Variants in ASCC1 observed in about 807,000 individuals in gnomAD.
ASCC1 encodes ASC-1 complex subunit P50.
A neutral mutation model predicts 46.6 loss-of-function variants in ASCC1; 35 were observed. The observed-to-expected ratio is 0.75, with a 90% CI of 0.57 to 0.99. The LOEUF is 0.99. Ranked by LOEUF, ASCC1 falls within the 50% of genes least tolerant of loss-of-function variation. The pLI is 0.00. For missense variants in ASCC1, 376 were observed against 428.7 expected, an observed-to-expected ratio of 0.88 and a Z score of 1.09; for synonymous variants, 143 against 146.6, an observed-to-expected ratio of 0.98 and a Z score of 0.18.
rs147599473 is a variant in ASCC1 at position 72,114,719 on chromosome 10, T to C, written c.957+13363A>G. ...TTGACTGTTGTTAACTATATCTTTA[T>C]GACATAATTAGTTTATCTTGAGGGC... On this transcript the variant is annotated intron_variant, in intron 9 of 9. Coordinates refer to ENST00000672957, the MANE Select transcript of ASCC1 (RefSeq NM_001198800.3). Among the ~76,000 whole-genome samples the C allele has an allele frequency of 9.2e-3, 1,403 of 152,296 alleles. 14 individuals are homozygous for C. The highest frequency in any genetic ancestry group is 0.032 in the African/African-American group (1,337 of 41,564).
chr10:72,187,537 G>A (rs1205352923), intron 5 of ASCC1, among the ~76,000 whole-genome samples: 2 of 150,098 alleles, frequency 1.3e-5, no homozygotes, highest in Non-Finnish European at 3.0e-5. Flanking sequence ...TGGCTAACAC[G>A]GTGAAACCCT....
chr10:72,106,715 C>G (rs564229964), intron 9 of ASCC1, among the ~76,000 whole-genome samples: 3 of 152,328 alleles, frequency 2.0e-5, no homozygotes, highest in African/African-American at 7.2e-5. Flanking sequence ...AAGTGTCTTA[C>G]AAAGCCCAGC....
chr10:72,203,433 C>G lies in ASCC1; in HGVS notation c.304G>C (p.Glu102Gln), dbSNP rs764646626. ...ISIPKPGQDGEIVITGQHRNG... is the reference protein window; with the variant it reads ...ISIPKPGQDGQIVITGQHRNG... ...TATATCTACTGAGTCTCACCAATTT[C>G]CCCGTCTTGTCCAGGTTTAGGAATG... The change falls in exon 4 of 10, where the codon GAA (glutamate) becomes CAA (glutamine). Residue 102 changes from glutamate (E) to glutamine (Q), a missense_variant. Glu to Gln is a conservative substitution (Grantham distance 29). Coordinates refer to ENST00000672957, the MANE Select transcript of ASCC1 (RefSeq NM_001198800.3). 11 of 1,611,648 alleles carry G rather than the reference C, an allele frequency of 6.8e-6. No homozygotes were observed. Among genetic ancestry groups the G allele is most frequent in the Non-Finnish European group, 9.3e-6 (11 of 1,177,938 alleles).
chr10:72,109,170 C>A (rs987715843), intron 9 of ASCC1, among the ~76,000 whole-genome samples: 13 of 152,130 alleles, frequency 8.5e-5, no homozygotes, highest in African/African-American at 2.9e-4. Context: ...CACCTCAGAT[C>A]CAAGGAGAAA....
At chr10:72,189,565 G>A (rs1230525795) in intron 5 of ASCC1, among the ~76,000 whole-genome samples, 2 of 152,150 alleles carry the variant, frequency 1.3e-5, no homozygotes, top group East Asian at 3.9e-4. Flanking sequence ...CACTTTGGGA[G>A]GCCAAGACAG....
chr10:72,136,491 C>G (rs578006044), intron 7 of ASCC1, among the ~76,000 whole-genome samples: 1 of 152,258 alleles, frequency 6.6e-6, no homozygotes, highest in South Asian at 2.1e-4. Context: ...CACCAATCAG[C>G]GCTCTGTGTC....
chr10:72,152,118 G>A (rs1848416739), intron 7 of ASCC1, among the ~76,000 whole-genome samples: 1 of 150,524 alleles, frequency 6.6e-6, no homozygotes, highest in African/African-American at 2.4e-5. Context: ...TCAGCCTCCT[G>A]AGCAGCTGAA....
At chr10:72,166,466 G>GA (rs1327189738) in intron 5 of ASCC1, among the ~76,000 whole-genome samples, 2 of 95,208 alleles carry the variant, frequency 2.1e-5, no homozygotes, top group African/African-American at 1.1e-4. Context: ...TTTTTGTAGA[G>GA]AAAAAAACCA....
At chr10:72,097,998 A>G (rs921943217) in intron 9 of ASCC1, among the ~76,000 whole-genome samples, 7 of 152,246 alleles carry the variant, frequency 4.6e-5, no homozygotes, top group African/African-American at 1.7e-4. Context: ...CACACACAGA[A>G]CAACCCAAGG....
chr10:72,114,236 T>G (rs1331832029), intron 9 of ASCC1, among the ~76,000 whole-genome samples: 1 of 152,182 alleles, frequency 6.6e-6, no homozygotes, highest in African/African-American at 2.4e-5. Context: ...GCAATCAAAT[T>G]TAATTGAGAA....
intron 5 of ASCC1, 103 bp from the exon 6 acceptor site, chr10:72,161,777 T>G (rs1334910606): frequency 1.4e-6 from 2 of 1,403,044 alleles, no homozygotes; most frequent in Non-Finnish European, 2.0e-6. Context: ...TACAGCCAAG[T>G]GATTTTCCAC....
chr10:72,153,038 G>A, intron 6 of ASCC1, 50 bp from the exon 7 acceptor site: 1 of 1,610,810 alleles, frequency 6.2e-7, no homozygotes, highest in East Asian at 2.2e-5. Flanking sequence ...AGCTAAGAGG[G>A]CTATTTTATT....
At chr10:72,187,951 T>C (rs1853748696) in intron 5 of ASCC1, among the ~76,000 whole-genome samples, 1 of 150,580 alleles carries the variant, frequency 6.6e-6, no homozygotes, top group Non-Finnish European at 1.5e-5. Flanking sequence ...AGAGTCTGTC[T>C]CAAAAAAAAG....
intron 6 of ASCC1, among the ~76,000 whole-genome samples, chr10:72,157,924 C>T (rs1208499959): frequency 2.0e-5 from 3 of 152,202 alleles, no homozygotes; most frequent in Non-Finnish European, 4.4e-5. Context: ...CTTACCTTGA[C>T]TTTCAGATAG....
At chr10:72,208,542 C>T (rs1251105880) in intron 3 of ASCC1, among the ~76,000 whole-genome samples, 2 of 151,960 alleles carry the variant, frequency 1.3e-5, no homozygotes, top group Non-Finnish European at 2.9e-5. Flanking sequence ...GGTGGATCAC[C>T]TGAGGTCAGG....
At chr10:72,118,735 C>T (rs1054561266) in intron 9 of ASCC1, among the ~76,000 whole-genome samples, 2 of 150,970 alleles carry the variant, frequency 1.3e-5, no homozygotes, top group Admixed American at 6.6e-5. Flanking sequence ...GCCAAGATCG[C>T]ACCATTGCAC....
intron 8 of ASCC1, among the ~76,000 whole-genome samples, chr10:72,130,950 A>G (rs1053608121): frequency 5.3e-5 from 8 of 152,224 alleles, no homozygotes; most frequent in Non-Finnish European, 1.0e-4. Flanking sequence ...AATAATGTTA[A>G]AATGTACATC....
intron 9 of ASCC1, among the ~76,000 whole-genome samples, chr10:72,107,397 C>G (rs770293839): frequency 4.0e-5 from 6 of 151,472 alleles, no homozygotes; most frequent in Non-Finnish European, 7.4e-5. Flanking sequence ...TGCCAAATAC[C>G]GTGCATTTGT....
At chr10:72,203,252 C>T (rs1856744092) in intron 4 of ASCC1, among the ~76,000 whole-genome samples, 175 bp downstream of exon 4, 1 of 149,490 alleles carries the variant, frequency 6.7e-6, no homozygotes, top group Admixed American at 6.7e-5. Flanking sequence ...CACCACTGCA[C>T]TCTAGCCTGG....
Sources: gnomAD v4.1 joint callset for allele counts (sites outside exome capture counted in the v4.1 genomes callset) on GRCh38, gnomAD v4.1.1 for gene constraint, MANE v1.5 for transcripts, NCBI Gene and HGNC (gene_info 2026-07-23, HGNC 2026-07-21) for gene names.